DCLK1: variants seen among roughly 807,000 people sequenced by gnomAD.
The protein encoded by DCLK1 is serine/threonine-protein kinase DCLK1.
A neutral mutation model predicts 86.2 loss-of-function variants in DCLK1; 16 were observed. The ratio of observed to expected loss-of-function variants is 0.19; its 90% CI spans 0.13 to 0.28. The LOEUF is 0.28. Among genes scored for constraint, DCLK1 ranks in the 10% least tolerant of loss-of-function variants. DCLK1 has a pLI of 1.00. For synonymous variants in DCLK1, 369 were observed against 370.5 expected, an observed-to-expected ratio of 1.00 and a Z score of 0.05; for missense variants, 590 against 940.2, an observed-to-expected ratio of 0.63 and a Z score of 4.87.
intron 3 of DCLK1, among the ~76,000 whole-genome samples, chr13:35,950,392 T>C (rs1437813932): frequency 1.3e-5 from 2 of 152,148 alleles, no homozygotes; most frequent in African/African-American, 2.4e-5. Context: ...CAAATGTACA[T>C]TGAGAATTTT....
chr13:35,861,976 G>A (rs1871425675), intron 5 of DCLK1, among the ~76,000 whole-genome samples: 1 of 146,462 alleles, frequency 6.8e-6, no homozygotes, highest in South Asian at 2.2e-4. Flanking sequence ...AGCTAGCAGT[G>A]AGCGGAGATT....
At chr13:35,823,949 A>T (rs1566551688) in intron 10 of DCLK1, among the ~76,000 whole-genome samples, 1 of 151,302 alleles carries the variant, frequency 6.6e-6, no homozygotes, top group Non-Finnish European at 1.5e-5. Flanking sequence ...AACCACACAA[A>T]TTTTTTTTTT....
intron 3 of DCLK1, among the ~76,000 whole-genome samples, chr13:36,081,481 A>G (rs1404665406): frequency 4.6e-5 from 7 of 152,224 alleles, no homozygotes; most frequent in Admixed American, 4.6e-4. Flanking sequence ...GTTCAAAAGA[A>G]TAGAGGGCCA....
At chr13:35,924,226 C>G (rs1332418453) in intron 4 of DCLK1, among the ~76,000 whole-genome samples, 1 of 152,006 alleles carries the variant, frequency 6.6e-6, no homozygotes. Flanking sequence ...TCCAGAGTTT[C>G]TGATGTGAGA....
At chr13:35,911,619 C>T (rs370536514) in intron 4 of DCLK1, among the ~76,000 whole-genome samples, 11 of 152,092 alleles carry the variant, frequency 7.2e-5, no homozygotes, top group African/African-American at 7.2e-5. Flanking sequence ...AGTATTGCCT[C>T]TGCCACCCAG....
At chr13:36,102,117 G>A (rs949780335) in intron 3 of DCLK1, among the ~76,000 whole-genome samples, 1 of 151,522 alleles carries the variant, frequency 6.6e-6, no homozygotes, top group African/African-American at 2.4e-5. Context: ...ACTTATTTCT[G>A]TTGTGTAAGC....
At chr13:36,038,167 G>T (rs1882575067) in intron 3 of DCLK1, among the ~76,000 whole-genome samples, 2 of 152,166 alleles carry the variant, frequency 1.3e-5, no homozygotes, top group African/African-American at 4.8e-5. Flanking sequence ...AAGGAAGCTG[G>T]GTCCCATAAA....
intron 3 of DCLK1, among the ~76,000 whole-genome samples, chr13:35,974,670 G>GT (rs1458443365): frequency 5.3e-5 from 8 of 152,126 alleles, no homozygotes; most frequent in African/African-American, 1.7e-4. Context: ...TGCCATGGTT[G>GT]TAAGTTTTCT....
chr13:36,124,866 G>C (rs560563162), intron 2 of DCLK1, among the ~76,000 whole-genome samples: 1 of 152,218 alleles, frequency 6.6e-6, no homozygotes, highest in South Asian at 2.1e-4. Flanking sequence ...AAAAGGATCT[G>C]CTAGCTTTTT....
chr13:36,064,614 G>A (rs909749524), intron 3 of DCLK1, among the ~76,000 whole-genome samples: 4 of 151,332 alleles, frequency 2.6e-5, no homozygotes, highest in African/African-American at 9.7e-5. Context: ...AGCTGAGATA[G>A]CGCCACTGCA....
chr13:35,999,461 TC>T (rs1880617171), intron 3 of DCLK1, among the ~76,000 whole-genome samples: 1 of 152,076 alleles, frequency 6.6e-6, no homozygotes, highest in Non-Finnish European at 1.5e-5. Flanking sequence ...GTGGCCTCAC[TC>T]TTTTTTCCTT....
intron 4 of DCLK1, among the ~76,000 whole-genome samples, chr13:35,894,257 A>G (rs1873816038): frequency 6.6e-6 from 1 of 152,212 alleles, no homozygotes; most frequent in South Asian, 2.1e-4. Flanking sequence ...TAATGCTAAG[A>G]GCTAAGCGCA....
rs954347696 is a variant in DCLK1, at chr13:35,782,741, CAT to C, written c.2059-8044_2059-8043del. ...GGCCTCTTCTACTAGGCAGTGGAGACATAGTTTTTAACAAGCCCTAATCCTGT... is the reference window on the plus strand; with the variant it reads ...GGCCTCTTCTACTAGGCAGTGGAGACAGTTTTTAACAAGCCCTAATCCTGT... On this transcript the variant is annotated intron_variant, in intron 16 of 16. Coordinates refer to ENST00000360631, the MANE Select transcript of DCLK1 (RefSeq NM_001330071.2). 9.8e-5 allele frequency among the ~76,000 whole-genome samples: 15 copies of C among 152,320 alleles called. 1 individual carries two copies. Among genetic ancestry groups the C allele is most frequent in the African/African-American group, 3.4e-4 (14 of 41,570 alleles).
At chr13:35,937,545 T>A (rs903708431) in intron 4 of DCLK1, among the ~76,000 whole-genome samples, 2 of 152,158 alleles carry the variant, frequency 1.3e-5, no homozygotes, top group African/African-American at 4.8e-5. Flanking sequence ...ACTCCCATTT[T>A]GAATGACTAT....
At chr13:35,844,139 A>G (rs1052032731) in intron 6 of DCLK1, among the ~76,000 whole-genome samples, 3 of 152,270 alleles carry the variant, frequency 2.0e-5, no homozygotes, top group Non-Finnish European at 2.9e-5. Context: ...TGCAATCTTC[A>G]TAGTAGTACA....
chr13:36,044,073 C>G (rs1566657996), intron 3 of DCLK1, among the ~76,000 whole-genome samples: 1 of 152,146 alleles, frequency 6.6e-6, no homozygotes, highest in Non-Finnish European at 1.5e-5. Context: ...GGTGCCCTCC[C>G]TGCAGTAATG....
In DCLK1 at chr13:35,826,252, G is replaced by A. The variant is rs1593632172; in HGVS notation, c.1407+1383C>T. On this transcript the variant is annotated intron_variant, in intron 10 of 16. Transcript: ENST00000360631. ...GAAAGAAACAAGTCTGGCCGGGCAC[G>A]GTGGCTCATGCCTGTAATCCCAGCA... is the stretch of plus-strand genomic sequence containing the variant. Among the ~76,000 whole-genome samples, 6 of 151,724 alleles carry A rather than the reference G, an allele frequency of 4.0e-5. No individual in the cohort carries two copies. In the South Asian group the frequency reaches 1.3e-3, roughly 32 times the overall value.
At chr13:36,042,849 A>G (rs1364044338) in intron 3 of DCLK1, among the ~76,000 whole-genome samples, 2 of 152,236 alleles carry the variant, frequency 1.3e-5, no homozygotes, top group African/African-American at 4.8e-5. Flanking sequence ...TTCCATTTTA[A>G]TAACTTTTCT....
intron 6 of DCLK1, chr13:35,846,264 T>C (rs1246041404): frequency 1.0e-6 from 1 of 984,824 alleles, no homozygotes; most frequent in Admixed American, 6.2e-5. Flanking sequence ...ATTCATAATA[T>C]ATTTCAAAGT....
Sources: gnomAD v4.1 joint callset for allele counts (sites outside exome capture counted in the v4.1 genomes callset) on GRCh38, gnomAD v4.1.1 for gene constraint, MANE v1.5 for transcripts, NCBI Gene and HGNC (gene_info 2026-07-23, HGNC 2026-07-21) for gene names.